RNF220: variants seen among roughly 807,000 people sequenced by gnomAD.
RNF220 encodes ring finger protein 220, also known as E3 ubiquitin-protein ligase RNF220.
RNF220 carries 7 observed loss-of-function variants against 67.1 expected under a neutral mutation model. The observed-to-expected ratio is 0.10, with a 90% confidence interval of 0.06 to 0.20. The LOEUF (loss-of-function observed/expected upper bound fraction) is 0.20, where lower values mean the gene tolerates loss of function less well. RNF220 is among the 10% of genes least tolerant of loss of function. The pLI is 1.00. For missense variants in RNF220, 565 were observed against 740.3 expected (o/e 0.76, Z 2.75); for synonymous variants, 270 against 283.2 (o/e 0.95, Z 0.47).
At chr1:44,571,267 TC>T (rs1664423706) in intron 2 of RNF220, among the ~76,000 whole-genome samples, 1 of 152,120 alleles carries the variant, frequency 6.6e-6, no homozygotes, top group Non-Finnish European at 1.5e-5. Flanking sequence ...CTGAGTACCT[TC>T]CCCATCAGAG....
chr1:44,488,471 G>A (rs756953753), intron 2 of RNF220, among the ~76,000 whole-genome samples: 22 of 151,850 alleles, frequency 1.4e-4, no homozygotes, highest in Non-Finnish European at 2.9e-4. Flanking sequence ...ACAGGGTTTC[G>A]CCATGTCATA....
intron 2 of RNF220, among the ~76,000 whole-genome samples, chr1:44,548,579 G>A (rs1250872150): frequency 6.6e-6 from 1 of 151,790 alleles, no homozygotes; most frequent in African/African-American, 2.4e-5. Flanking sequence ...CCACAGCCTC[G>A]ACCTCCAGGA....
intron 2 of RNF220, among the ~76,000 whole-genome samples, chr1:44,560,109 G>A (rs1218888465): frequency 6.6e-6 from 1 of 152,180 alleles, no homozygotes; most frequent in African/African-American, 2.4e-5. Context: ...CTTGATGACG[G>A]CGTCACCTCC....
chr1:44,525,951 T>A (rs1660338002), intron 2 of RNF220, among the ~76,000 whole-genome samples: 1 of 152,208 alleles, frequency 6.6e-6, no homozygotes, highest in South Asian at 2.1e-4. Flanking sequence ...GTTTTTGACC[T>A]CCGTTAGACC....
chr1:44,435,001 T>C (rs1650812188), intron 2 of RNF220, among the ~76,000 whole-genome samples: 1 of 149,444 alleles, frequency 6.7e-6, no homozygotes, highest in South Asian at 2.1e-4. Flanking sequence ...CACACTAGCT[T>C]GGGCAACACA....
intron 2 of RNF220, among the ~76,000 whole-genome samples, chr1:44,442,818 A>T (rs532825658): frequency 1.3e-5 from 2 of 151,950 alleles, no homozygotes; most frequent in Admixed American, 6.6e-5. Flanking sequence ...TGCCTGGCCT[A>T]CCCCTCTTTA....
At chr1:44,475,968 C>T (rs1336820823) in intron 2 of RNF220, among the ~76,000 whole-genome samples, 1 of 150,180 alleles carries the variant, frequency 6.7e-6, no homozygotes, top group Non-Finnish European at 1.5e-5. Flanking sequence ...GCTAAGATCG[C>T]CAGCCTAGTA....
At chr1:44,454,408 G>A (rs1473024823) in intron 2 of RNF220, among the ~76,000 whole-genome samples, 2 of 151,928 alleles carry the variant, frequency 1.3e-5, no homozygotes, top group African/African-American at 4.8e-5. Context: ...ATTTCTTTAA[G>A]AGTAAAGTCA....
intron 2 of RNF220, among the ~76,000 whole-genome samples, chr1:44,431,421 C>G: frequency 6.9e-6 from 1 of 145,438 alleles, no homozygotes; most frequent in African/African-American, 2.6e-5. Context: ...ACTTGGGAGG[C>G]AGAGAGATTG....
intron 2 of RNF220, among the ~76,000 whole-genome samples, chr1:44,521,089 A>G (rs1213981607): frequency 6.6e-6 from 1 of 151,972 alleles, no homozygotes; most frequent in Non-Finnish European, 1.5e-5. Flanking sequence ...TAGAGTCAGG[A>G]TCTCACCATG....
chr1:44,441,228 G>T (rs1651519765), intron 2 of RNF220, among the ~76,000 whole-genome samples: 1 of 152,204 alleles, frequency 6.6e-6, no homozygotes, highest in Non-Finnish European at 1.5e-5. Flanking sequence ...TCCCTAAGCA[G>T]CCATAGGGAC....
chr1:44,552,816 G>A (rs905248177), intron 2 of RNF220, among the ~76,000 whole-genome samples: 1 of 151,798 alleles, frequency 6.6e-6, no homozygotes, highest in African/African-American at 2.4e-5. Context: ...TGATCCGCCC[G>A]CCTTGGCCTC....
chr1:44,574,947 G>A (rs1664702835), intron 2 of RNF220, among the ~76,000 whole-genome samples: 1 of 151,980 alleles, frequency 6.6e-6, no homozygotes, highest in Admixed American at 6.6e-5. Context: ...CATAGAATGT[G>A]CAATTACCAA....
At chr1:44,429,242 G>A (rs1213500144) in intron 2 of RNF220, among the ~76,000 whole-genome samples, 4 of 151,838 alleles carry the variant, frequency 2.6e-5, no homozygotes, top group Admixed American at 2.0e-4. Flanking sequence ...TCCTATCCAG[G>A]TATGGAATGT....
chr1:44,414,845 T>A (rs1407464646), intron 2 of RNF220, among the ~76,000 whole-genome samples: 1 of 151,688 alleles, frequency 6.6e-6, no homozygotes, highest in East Asian at 1.9e-4. Context: ...CTCCTTTTTT[T>A]TTCTTGTACA....
chr1:44,470,101 A>G (rs923221300), intron 2 of RNF220, among the ~76,000 whole-genome samples: 2 of 152,240 alleles, frequency 1.3e-5, no homozygotes, highest in Non-Finnish European at 2.9e-5. Flanking sequence ...AAGGAGGCAG[A>G]TAAAGTAGAC....
intron 2 of RNF220, among the ~76,000 whole-genome samples, chr1:44,422,589 G>A (rs922783405): frequency 1.3e-5 from 2 of 152,198 alleles, no homozygotes; most frequent in East Asian, 1.9e-4. Context: ...GTGAGTGCCT[G>A]CTGCTGAAGT....
intron 2 of RNF220, chr1:44,419,587 A>C (rs1160193430): frequency 6.6e-6 from 1 of 152,224 alleles, no homozygotes; most frequent in Non-Finnish European, 1.5e-5. Flanking sequence ...TTGCATATTG[A>C]ATACCTTAGT....
chr1:44,544,958 A>T (rs1306487704), intron 2 of RNF220, among the ~76,000 whole-genome samples: 5 of 152,252 alleles, frequency 3.3e-5, no homozygotes, highest in Non-Finnish European at 5.9e-5. Context: ...AGTTAATGCA[A>T]CCAGGAAATA....
Sources: gnomAD v4.1 joint callset for allele counts (sites outside exome capture counted in the v4.1 genomes callset) on GRCh38, gnomAD v4.1.1 for gene constraint, MANE v1.5 for transcripts, NCBI Gene and HGNC (gene_info 2026-07-23, HGNC 2026-07-21) for gene names.